Variants in DMD observed in about 807,000 individuals in gnomAD.
DMD encodes the protein mutant dystrophin.
Under a neutral mutation model 330.1 loss-of-function variants are expected in DMD, and 63 were observed. The ratio of observed to expected loss-of-function variants is 0.19; its 90% confidence interval spans 0.16 to 0.24. The LOEUF is 0.24. Ranked by LOEUF, DMD falls within the 10% of genes least tolerant of loss-of-function variation. The pLI is 1.00. For missense variants in DMD, 3,344 were observed against 2,684.1 expected (o/e 1.25, Z -5.43); for synonymous variants, 1,223 against 959.8 (o/e 1.27, Z -5.07).
intron 15 of DMD, among the ~76,000 whole-genome samples, chrX:32,573,154 A>AGGATAAC (rs1281994248): frequency 8.9e-6 from 1 of 111,802 alleles, no homozygotes; most frequent in Non-Finnish European, 1.9e-5. Flanking sequence ...CATCAATGTC[A>AGGATAAC]GGATAACCGT....
chrX:31,485,856 A>C (rs1440798004), intron 57 of DMD, among the ~76,000 whole-genome samples: 1 of 112,260 alleles, frequency 8.9e-6, no homozygotes, highest in East Asian at 2.8e-4. Context: ...ATAAAATCTG[A>C]TGGAATGACT....
chrX:32,452,322 TGAAAGTGAAAGTGAAAGGGAAAGG>T lies in DMD; in HGVS notation c.3603+2316_3603+2339del, dbSNP rs1390094443. On this transcript the variant is annotated intron_variant, in intron 26 of 78. Coordinates refer to ENST00000357033, the MANE Select transcript of DMD (RefSeq NM_004006.3). The stretch of plus-strand genomic sequence containing the variant: ...AGGAAAGGGAAAGTGAAAGTGAAAG[TGAAAGTGAAAGTGAAAGGGAAAGG>T]GAAAGGGAAAGGGAAAGGGAAAGGG... Among the ~76,000 whole-genome samples the T allele has an allele frequency of 2.1e-3, 24 of 11,181 alleles. 3 individuals are homozygous for T. Among genetic ancestry groups the T allele is most frequent in the South Asian group, 8.3e-3 (2 of 242 alleles). 9.7% of individuals were successfully genotyped at this position (11,181 alleles called of 115,157 possible).
At chrX:31,740,412 T>A (rs2087233178) in intron 51 of DMD, among the ~76,000 whole-genome samples, 1 of 112,015 alleles carries the variant, frequency 8.9e-6, no homozygotes, top group Non-Finnish European at 1.9e-5. Flanking sequence ...TAATTTTTTC[T>A]CCTACACACA....
intron 60 of DMD, among the ~76,000 whole-genome samples, chrX:31,410,444 T>C (rs767975888): frequency 8.9e-6 from 1 of 111,839 alleles, no homozygotes. Flanking sequence ...GGAGAAGCAA[T>C]AGAGCTAGAT....
chrX:32,590,276 C>T (rs1455207279), intron 13 of DMD, among the ~76,000 whole-genome samples: 1 of 112,140 alleles, frequency 8.9e-6, no homozygotes, highest in Middle Eastern at 4.3e-3. Flanking sequence ...GAAACCATAC[C>T]AGTGAGCATG....
At chrX:32,534,959 T>G (rs2047819248) in intron 17 of DMD, among the ~76,000 whole-genome samples, 1 of 111,423 alleles carries the variant, frequency 9.0e-6, no homozygotes, top group Admixed American at 9.6e-5. Flanking sequence ...CTAAGAATAC[T>G]CTCAGAAGAT....
intron 48 of DMD, among the ~76,000 whole-genome samples, chrX:31,846,678 A>C (rs1276199822): frequency 8.9e-6 from 1 of 111,737 alleles, no homozygotes; most frequent in African/African-American, 3.3e-5. Context: ...GAACAGAAAT[A>C]GTCAAAAATT....
At chrX:32,608,010 T>G (rs1272913726) in intron 12 of DMD, among the ~76,000 whole-genome samples, 2 of 109,759 alleles carry the variant, frequency 1.8e-5, no homozygotes, top group Non-Finnish European at 3.8e-5. Flanking sequence ...CTAATGTTAG[T>G]GCCTCTAAGA....
At chrX:32,106,742 T>C in intron 44 of DMD, among the ~76,000 whole-genome samples, 1 of 112,062 alleles carries the variant, frequency 8.9e-6, no homozygotes, top group Non-Finnish European at 1.9e-5. Context: ...TCTGTATTTT[T>C]CACCATACTT....
intron 33 of DMD, among the ~76,000 whole-genome samples, chrX:32,382,486 T>C (rs1299966427): frequency 1.8e-5 from 2 of 111,754 alleles, no homozygotes; most frequent in East Asian, 5.6e-4. Flanking sequence ...ATAAATATTC[T>C]GGAACCTTGA....
At chrX:33,310,157 A>T (rs1468244936) in intron 1 of DMD, among the ~76,000 whole-genome samples, 1 of 111,263 alleles carries the variant, frequency 9.0e-6, no homozygotes. Context: ...AATAGCTTGG[A>T]TGTTTTCTTG....
rs17338583 is a variant in DMD at position 31,478,449 on chromosome X, G to C, written c.8669-75C>G. The C allele has an allele frequency of 0.076, 89,114 of 1,167,304 alleles. 2,587 individuals carry two copies. Among genetic ancestry groups the C allele is most frequent in the East Asian group, 0.22 (7,301 of 33,564 alleles). ...CATTGTCAAAAAGGTCATACTGGAA[G>C]AAAGAAAGAGTACAGTTGAACAAGA... On this transcript the variant is annotated intron_variant, in intron 58 of 78. Coordinates refer to ENST00000357033, the MANE Select transcript of DMD (RefSeq NM_004006.3).
intron 1 of DMD, among the ~76,000 whole-genome samples, chrX:33,208,686 A>C (rs73623924): frequency 0.032 from 3,517 of 111,019 alleles, 142 homozygotes; most frequent in African/African-American, 0.11. Flanking sequence ...GAATGCATAT[A>C]AATGTGCATA....
At chrX:32,265,907 A>G (rs2097342374) in intron 43 of DMD, among the ~76,000 whole-genome samples, 1 of 111,815 alleles carries the variant, frequency 8.9e-6, no homozygotes, top group African/African-American at 3.2e-5. Context: ...CTTGTCTCAG[A>G]TGAGACTTTG....
intron 1 of DMD, among the ~76,000 whole-genome samples, chrX:33,204,250 A>G (rs1434578077): frequency 8.9e-6 from 1 of 111,940 alleles, no homozygotes; most frequent in Non-Finnish European, 1.9e-5. Context: ...TATAACCTTC[A>G]AGGCTCTGAA....
chrX:32,576,134 AAT>A (rs2053020486), intron 13 of DMD, among the ~76,000 whole-genome samples: 1 of 111,955 alleles, frequency 8.9e-6, no homozygotes. Context: ...ACAAAAAACT[AAT>A]AGAGTAGTTC....
chrX:32,575,784 T>C (rs1211877115), intron 13 of DMD, among the ~76,000 whole-genome samples: 4 of 111,774 alleles, frequency 3.6e-5, no homozygotes, highest in Non-Finnish European at 5.6e-5. Context: ...AAAGTCAAAA[T>C]GTGGGAAATT....
chrX:32,242,185 T>C (rs770827142), intron 43 of DMD, among the ~76,000 whole-genome samples: 1 of 112,124 alleles, frequency 8.9e-6, no homozygotes, highest in East Asian at 2.8e-4. Context: ...GAACAGTGTC[T>C]GGTGTGTGGC....
At chrX:31,945,948 G>C (rs1214539019) in intron 45 of DMD, among the ~76,000 whole-genome samples, 1 of 111,762 alleles carries the variant, frequency 8.9e-6, no homozygotes, top group Non-Finnish European at 1.9e-5. Context: ...CAAAAGCAAA[G>C]CAAATTTGTT....
Sources: allele counts gnomAD v4.1 joint callset (sites outside exome capture counted in the v4.1 genomes callset), GRCh38; gene constraint gnomAD v4.1.1; transcripts MANE v1.5; gene names NCBI Gene and HGNC (gene_info 2026-07-23, HGNC 2026-07-21).